The following ZEB1 variants were observed in gnomAD, a reference collection of about 807,000 sequenced individuals.
ZEB1 encodes zinc finger E-box binding homeobox 1, also known as zinc finger E-box-binding homeobox 1.
Under a neutral mutation model 84.9 loss-of-function variants are expected in ZEB1, and 21 were observed. The observed-to-expected ratio is 0.25, with a 90% CI of 0.18 to 0.36. ZEB1 has a LOEUF of 0.36. Among genes scored for constraint, ZEB1 ranks in the 10% least tolerant of loss-of-function variants. The pLI is 1.00. For synonymous variants in ZEB1, 420 were observed against 471.1 expected (o/e 0.89, Z 1.41); for missense variants, 1,104 against 1,330.2 (o/e 0.83, Z 2.65).
At chr10:31,363,562 T>G in intron 1 of ZEB1, 1 of 1,527,742 alleles carries the variant, frequency 6.5e-7, no homozygotes, top group Non-Finnish European at 8.8e-7. Context: ...TACCTGGTCT[T>G]TCACCTCTGT....
chr10:31,319,062 T>C (rs2032903077), upstream of ZEB1: 1 of 629,038 alleles, frequency 1.6e-6, no homozygotes, highest in African/African-American at 1.8e-5. Flanking sequence ...AGCAACAAGG[T>C]TCCGGCCGTA....
At chr10:31,409,252 G>A (rs1480803411) in intron 1 of ZEB1, among the ~76,000 whole-genome samples, 9 of 152,140 alleles carry the variant, frequency 5.9e-5, no homozygotes, top group Non-Finnish European at 1.2e-4. Flanking sequence ...AACAACAGGT[G>A]CTGGAGAGGA....
chr10:31,387,102 T>C, intron 1 of ZEB1: 5 of 985,820 alleles, frequency 5.1e-6, no homozygotes, highest in Non-Finnish European at 4.8e-6. Context: ...GTATAATCTT[T>C]TACTCTTCTC....
In ZEB1 at chr10:31,375,668, T is replaced by C. The variant is rs375268468; in HGVS notation, c.58+56376T>C. ...ATTGGCTGTGTATGTTGGAGTGTAATGGCTTTTGTTTTGAATTTGGCAGTT... is the reference window on the plus strand; with the variant it reads ...ATTGGCTGTGTATGTTGGAGTGTAACGGCTTTTGTTTTGAATTTGGCAGTT... On this transcript the variant is annotated intron_variant, in intron 1 of 8. Coordinates refer to ENST00000424869, the MANE Select transcript of ZEB1 (RefSeq NM_001174096.2). Among the ~76,000 whole-genome samples the C allele has an allele frequency of 5.5e-4, 83 of 151,888 alleles. 2 individuals are homozygous for C. Among genetic ancestry groups the C allele is most frequent in the African/African-American group, 1.9e-3 (81 of 41,540 alleles).
At chr10:31,508,274 T>C (rs2069330021) in intron 4 of ZEB1, among the ~76,000 whole-genome samples, 1 of 152,136 alleles carries the variant, frequency 6.6e-6, no homozygotes, top group African/African-American at 2.4e-5. Context: ...GAACTCCAGG[T>C]GGCTTGCTTG....
intron 1 of ZEB1, among the ~76,000 whole-genome samples, chr10:31,451,187 A>C (rs1187829288): frequency 6.6e-6 from 1 of 152,184 alleles, no homozygotes; most frequent in Non-Finnish European, 1.5e-5. Context: ...ACATTTTCCT[A>C]GAAAGGGTTT....
At chr10:31,440,586 G>A (rs1349162485) in intron 1 of ZEB1, among the ~76,000 whole-genome samples, 3 of 152,154 alleles carry the variant, frequency 2.0e-5, no homozygotes, top group African/African-American at 7.2e-5. Flanking sequence ...GAAATAAAGT[G>A]TATTCAGTTA....
rs369186467 is a variant in ZEB1 at position 31,514,390 on chromosome 10, T to C, written c.688-213T>C. Reference sequence around the variant, plus strand: ...TCTGTCCCCACTATCACTATCCTTTTTGGTAATAATTTCAGGAGTTACATT... The same window carrying C: ...TCTGTCCCCACTATCACTATCCTTTCTGGTAATAATTTCAGGAGTTACATT... On this transcript the variant is annotated intron_variant, in intron 5 of 8. Coordinates refer to ENST00000424869, the MANE Select transcript of ZEB1 (RefSeq NM_001174096.2). 7.2e-5 allele frequency among the ~76,000 whole-genome samples: 11 copies of C among 152,280 alleles called. No individual in the cohort carries two copies. The East Asian group carries it at 1.3e-3, about 19-fold the overall frequency.
chr10:31,520,229 G>A lies in ZEB1; in HGVS notation c.897G>A (p.Val299=), dbSNP rs759724072. The change falls in exon 7 of 9, where the codon GTG becomes GTA. Residue 299 remains valine (V), a synonymous_variant. Coordinates refer to ENST00000424869, the MANE Select transcript of ZEB1 (RefSeq NM_001174096.2). The surrounding 1 kb of genome is among the most constrained non-coding windows in gnomAD (Gnocchi z 5.1). ...AGAAATGTATCAGCTTGATACCTGT[G>A]AATGGGCGACCAAGAACAGGACTCA... is the stretch of plus-strand genomic sequence containing the variant. The part of the protein sequence containing the change: ...SSKKCISLIP[V]NGRPRTGLKT... 23 of 1,613,812 alleles carry A rather than the reference G, an allele frequency of 1.4e-5. No homozygotes were observed. The highest frequency in any genetic ancestry group is 1.6e-4 in the Middle Eastern group (1 of 6,082).
intron 1 of ZEB1, among the ~76,000 whole-genome samples, chr10:31,419,533 C>T (rs1450589944): frequency 1.3e-5 from 2 of 152,098 alleles, no homozygotes; most frequent in Non-Finnish European, 2.9e-5. Flanking sequence ...GAGTCATATT[C>T]TCATATCCGC....
intron 3 of ZEB1, 128 bp from the exon 4 acceptor site, chr10:31,502,220 C>A: frequency 2.1e-6 from 2 of 953,136 alleles, no homozygotes; most frequent in Non-Finnish European, 3.1e-6. Context: ...TTTTAATTTT[C>A]AAGAAATATT....
At chr10:31,390,421 C>T (rs1446672293) in intron 1 of ZEB1, among the ~76,000 whole-genome samples, 3 of 152,046 alleles carry the variant, frequency 2.0e-5, no homozygotes, top group Non-Finnish European at 4.4e-5. Context: ...AGAAGAGGGG[C>T]TCAAATGGCA....
At chr10:31,346,349 A>G (rs906801604) in intron 1 of ZEB1, among the ~76,000 whole-genome samples, 1 of 152,182 alleles carries the variant, frequency 6.6e-6, no homozygotes, top group Non-Finnish European at 1.5e-5. Context: ...AGAAACTAGT[A>G]AAAGAATATG....
intron 1 of ZEB1, 80 bp downstream of exon 1, chr10:31,319,372 G>A: frequency 6.9e-7 from 1 of 1,447,380 alleles, no homozygotes; most frequent in Middle Eastern, 2.2e-4. Flanking sequence ...TGAGGGGGGC[G>A]AGCCGGGCTG....
At chr10:31,321,460 C>T in intron 1 of ZEB1, 1 of 1,613,886 alleles carries the variant, frequency 6.2e-7, no homozygotes, top group South Asian at 1.1e-5. Context: ...ATTTTAATTT[C>T]CTGTTTTAGC....
upstream of ZEB1, chr10:31,318,941 G>A: frequency 2.1e-6 from 1 of 483,188 alleles, no homozygotes; most frequent in South Asian, 2.1e-5. Flanking sequence ...GCGTCCCTAC[G>A]GTTTCCCGGC....
chr10:31,324,110 C>T (rs941512896), intron 1 of ZEB1, among the ~76,000 whole-genome samples: 1 of 151,574 alleles, frequency 6.6e-6, no homozygotes, highest in Non-Finnish European at 1.5e-5. Context: ...AGAAACTTTG[C>T]CACAAAGTCA....
At chr10:31,434,379 A>T (rs981893052) in intron 1 of ZEB1, among the ~76,000 whole-genome samples, 4 of 152,220 alleles carry the variant, frequency 2.6e-5, no homozygotes, top group Non-Finnish European at 1.5e-5. Context: ...TAACTAGATA[A>T]ATTACTTAAC....
At chr10:31,455,005 T>G (rs1008037603) in intron 1 of ZEB1, among the ~76,000 whole-genome samples, 2 of 152,138 alleles carry the variant, frequency 1.3e-5, no homozygotes, top group Non-Finnish European at 2.9e-5. Flanking sequence ...CTACCTGACT[T>G]CAAACTATAC....
Sources: gnomAD v4.1 joint callset for allele counts (sites outside exome capture counted in the v4.1 genomes callset) on GRCh38, gnomAD v4.1.1 for gene constraint, Gnocchi (gnomAD v3.1) non-coding constraint, MANE v1.5 for transcripts, NCBI Gene and HGNC (gene_info 2026-07-23, HGNC 2026-07-21) for gene names.